Variants in STRBP observed in about 807,000 individuals in gnomAD.
The protein encoded by STRBP is spermatid perinuclear RNA binding protein, also known as spermatid perinuclear RNA-binding protein.
Under a neutral mutation model 80.1 loss-of-function variants are expected in STRBP, and 13 were observed. The ratio of observed to expected loss-of-function variants is 0.16; its 90% CI spans 0.11 to 0.26. STRBP has a LOEUF of 0.26. Ranked by LOEUF, STRBP falls within the 10% of genes least tolerant of loss-of-function variation. The probability of loss-of-function intolerance (pLI) is 1.00; values close to 1 mark genes in which losing one functional copy is unlikely to be tolerated. For synonymous variants in STRBP, 284 were observed against 291.2 expected, an observed-to-expected ratio of 0.98 and a Z score of 0.25; for missense variants, 485 against 815.2, an observed-to-expected ratio of 0.59 and a Z score of 4.93.
At chr9:123,150,849 A>G (rs909681930) in intron 11 of STRBP, among the ~76,000 whole-genome samples, 7 of 152,290 alleles carry the variant, frequency 4.6e-5, no homozygotes, top group South Asian at 2.1e-4. Flanking sequence ...TGAACGGGAA[A>G]TATTTCTTCA....
chr9:123,259,519 C>T (rs1180785590), intron 1 of STRBP, among the ~76,000 whole-genome samples: 1 of 152,102 alleles, frequency 6.6e-6, no homozygotes, highest in African/African-American at 2.4e-5. Flanking sequence ...CCAGCCTGAC[C>T]AACATGGAGA....
chr9:123,122,101 T>C lies in STRBP; in HGVS notation c.*3496A>G. On this transcript the variant is annotated 3_prime_UTR_variant, in exon 19 of 19. Coordinates refer to ENST00000348403, the MANE Select transcript of STRBP (RefSeq NM_018387.5). Reference sequence around the variant, plus strand: ...AAAGGTAATGCGATGACATATGACCTAAGAGATCAAATACATCATATATGA... The same window carrying C: ...AAAGGTAATGCGATGACATATGACCCAAGAGATCAAATACATCATATATGA... 4.0e-6 allele frequency: 1 copy of C among 250,794 alleles called. No individual in the cohort carries two copies. Among genetic ancestry groups the C allele is most frequent in the Non-Finnish European group, 7.9e-6 (1 of 126,932 alleles). 15.5% of individuals were successfully genotyped at this position (250,794 alleles called of 1,614,324 possible). A position where few individuals can be genotyped will look rare whatever the true frequency, so the allele number is the denominator to read the frequency against.
chr9:123,181,732 G>A (rs985620139), intron 3 of STRBP, among the ~76,000 whole-genome samples: 5 of 127,492 alleles, frequency 3.9e-5, no homozygotes, highest in Admixed American at 1.9e-4. Context: ...CCCAGGAGGC[G>A]GAGGTTGCAG....
At chr9:123,119,675 C>CCTTG (rs1276463653), downstream of STRBP, among the ~76,000 whole-genome samples, 1 of 152,124 alleles carries the variant, frequency 6.6e-6, no homozygotes, top group African/African-American at 2.4e-5. Context: ...GTTGGCAGAG[C>CCTTG]CTTGCCCTCC....
rs544817811 is a variant in STRBP at position 123,245,412 on chromosome 9, C to T, written c.-301-8446G>A. 2.2e-4 allele frequency among the ~76,000 whole-genome samples: 34 copies of T among 152,202 alleles called. 1 individual carries two copies. Among genetic ancestry groups the T allele is most frequent in the Admixed American group, 1.8e-3 (27 of 15,290 alleles). On this transcript the variant is annotated intron_variant, in intron 1 of 18. Coordinates refer to ENST00000348403, the MANE Select transcript of STRBP (RefSeq NM_018387.5). ...TTTTTGTTTGTTTGTTTGTTTGAGA[C>T]GTTGTCTCGCTCAGTCGCCCAGGCT... is the stretch of plus-strand genomic sequence containing the variant.
At chr9:123,163,770 G>A (rs753653261) in intron 6 of STRBP, among the ~76,000 whole-genome samples, 10 of 152,118 alleles carry the variant, frequency 6.6e-5, no homozygotes, top group Non-Finnish European at 1.3e-4. Context: ...CAATCGCAAA[G>A]CTGCTGCTGG....
intron 2 of STRBP, among the ~76,000 whole-genome samples, chr9:123,189,497 C>T (rs2038840727): frequency 6.7e-6 from 1 of 150,356 alleles, no homozygotes; most frequent in Non-Finnish European, 1.5e-5. Context: ...CACGTATACA[C>T]CATGGAATAC....
chr9:123,161,514 A>C (rs2037522301), intron 6 of STRBP, among the ~76,000 whole-genome samples: 1 of 152,198 alleles, frequency 6.6e-6, no homozygotes, highest in African/African-American at 2.4e-5. Flanking sequence ...ACTGGAAATC[A>C]ATTATGTCTC....
chr9:123,254,456 C>CAAAAAAAAAAAAAAAAA (rs1205708821), intron 1 of STRBP, among the ~76,000 whole-genome samples: 1 of 65,738 alleles, frequency 1.5e-5, no homozygotes, highest in African/African-American at 3.3e-5. Flanking sequence ...GACTCCGTCT[C>CAAAAAAAAAAAAAAAAA]AAAAAAAAAA....
intron 13 of STRBP, among the ~76,000 whole-genome samples, chr9:123,144,813 T>C (rs565707712): frequency 6.6e-6 from 1 of 152,314 alleles, no homozygotes; most frequent in Admixed American, 6.5e-5. Flanking sequence ...GGAATAAAGC[T>C]ATAGAGTCAT....
At position 123,159,027 on chromosome 9, in the gene STRBP, A is replaced by T. The variant is rs113321937; in HGVS notation, c.835+69T>A. 915 of 1,280,926 alleles carry T rather than the reference A, an allele frequency of 7.1e-4. 5 individuals are homozygous for T. In the African/African-American group the frequency reaches 0.011, roughly 16 times the overall value. 79.3% of individuals were successfully genotyped at this position (1,280,926 alleles called of 1,614,324 possible). A position where few individuals can be genotyped will look rare whatever the true frequency, so the allele number is the denominator to read the frequency against. ...TTCCTGTGTAGAGAACAAACTTAGC[A>T]TATATTTAGAAAAATAAACTAAACT... On this transcript the variant is annotated intron_variant, in intron 9 of 18. Transcript: ENST00000348403.
At chr9:123,209,812 C>A (rs1169404517) in intron 2 of STRBP, among the ~76,000 whole-genome samples, 1 of 152,112 alleles carries the variant, frequency 6.6e-6, no homozygotes, top group Non-Finnish European at 1.5e-5. Context: ...AAGTTTGTCT[C>A]GATAAATTAC....
chr9:123,259,000 T>C (rs1443279361), intron 1 of STRBP, among the ~76,000 whole-genome samples: 19 of 150,900 alleles, frequency 1.3e-4, no homozygotes, highest in African/African-American at 4.4e-4. Flanking sequence ...AAAATCTGAC[T>C]TATCTTTTTT....
intron 3 of STRBP, chr9:123,111,543 C>CAGGG (rs2035566603): frequency 4.6e-6 from 2 of 438,624 alleles, no homozygotes; most frequent in Non-Finnish European, 9.4e-6. Context: ...TGCCTGTAGG[C>CAGGG]AGGGGCAGGG....
chr9:123,137,569 G>A (rs374329174), intron 14 of STRBP, among the ~76,000 whole-genome samples: 114 of 151,952 alleles, frequency 7.5e-4, no homozygotes, highest in African/African-American at 2.6e-3. Context: ...CACCACACCC[G>A]GCTAATTTTT....
At chr9:123,138,554 A>T (rs1280777545) in intron 14 of STRBP, among the ~76,000 whole-genome samples, 1 of 152,242 alleles carries the variant, frequency 6.6e-6, no homozygotes, top group African/African-American at 2.4e-5. Context: ...CATCATCTGA[A>T]GCCTTGCTCA....
chr9:123,201,155 T>C (rs1029977290), intron 2 of STRBP, among the ~76,000 whole-genome samples: 1 of 152,146 alleles, frequency 6.6e-6, no homozygotes, highest in Non-Finnish European at 1.5e-5. Flanking sequence ...GGTCTATCAA[T>C]TTTATTTTTT....
At chr9:123,260,952 C>G (rs1022126850) in intron 1 of STRBP, among the ~76,000 whole-genome samples, 4 of 152,182 alleles carry the variant, frequency 2.6e-5, no homozygotes, top group South Asian at 2.1e-4. Flanking sequence ...AGAAAATATG[C>G]TTTATAGCTT....
intron 3 of STRBP, chr9:123,109,777 C>T (rs2035534136): frequency 6.6e-6 from 1 of 152,174 alleles, no homozygotes; most frequent in African/African-American, 2.4e-5. Context: ...GTTCAGAGTC[C>T]TACATGTAAT....
Sources: allele counts gnomAD v4.1 joint callset (sites outside exome capture counted in the v4.1 genomes callset), GRCh38; gene constraint gnomAD v4.1.1; transcripts MANE v1.5; gene names NCBI Gene and HGNC (gene_info 2026-07-23, HGNC 2026-07-21).